CDC73: variants seen among roughly 807,000 people sequenced by gnomAD.
CDC73 encodes parafibromin.
A neutral mutation model predicts 83.7 loss-of-function variants in CDC73; 21 were observed. The observed-to-expected ratio is 0.25, with a 90% CI of 0.18 to 0.36. CDC73 has a LOEUF of 0.36. CDC73 is among the 10% of genes least tolerant of loss of function. The probability of loss-of-function intolerance (pLI) is 1.00; values close to 1 mark genes in which losing one functional copy is unlikely to be tolerated. For synonymous variants in CDC73, 224 were observed against 212.9 expected (o/e 1.05, Z -0.45); for missense variants, 342 against 653.3 (o/e 0.52, Z 5.19).
chr1:193,136,393 A>G (rs751731100), intron 5 of CDC73: 54 of 192,402 alleles, frequency 2.8e-4, no homozygotes, highest in Middle Eastern at 2.8e-3. Flanking sequence ...GGATATTCTG[A>G]GAAATGGATC....
At chr1:193,154,249 G>C (rs1676169416) in intron 10 of CDC73, among the ~76,000 whole-genome samples, 1 of 152,162 alleles carries the variant, frequency 6.6e-6, no homozygotes, top group South Asian at 2.1e-4. Context: ...TGTTATTTTT[G>C]TGATTGTTGT....
At chr1:193,123,067 T>C (rs546701138) in intron 1 of CDC73, among the ~76,000 whole-genome samples, 11 of 152,310 alleles carry the variant, frequency 7.2e-5, no homozygotes, top group Admixed American at 5.2e-4. Flanking sequence ...GAGACGGCTC[T>C]AACAGTCATT....
chr1:193,143,085 T>C (rs1675933794), intron 7 of CDC73, among the ~76,000 whole-genome samples: 2 of 152,212 alleles, frequency 1.3e-5, no homozygotes, highest in African/African-American at 2.4e-5. Flanking sequence ...ATTTTAGTCT[T>C]AAATTTACAT....
intron 15 of CDC73, 83 bp from the exon 16 acceptor site, chr1:193,249,647 G>T (rs1207498402): frequency 2.0e-6 from 2 of 1,020,054 alleles, no homozygotes; most frequent in Non-Finnish European, 1.5e-6. Flanking sequence ...TTATAATACG[G>T]CTTCAGTTGG....
chr1:193,227,762 T>C (rs1677589909), intron 13 of CDC73, among the ~76,000 whole-genome samples: 1 of 152,204 alleles, frequency 6.6e-6, no homozygotes, highest in South Asian at 2.1e-4. Context: ...ATTTTTACCT[T>C]TGGGATGCTA....
chr1:193,189,897 A>G (rs531011057), intron 10 of CDC73, among the ~76,000 whole-genome samples: 6 of 152,228 alleles, frequency 3.9e-5, no homozygotes, highest in Non-Finnish European at 7.3e-5. Flanking sequence ...ATGTATGTAC[A>G]TTCAACAATA....
Position 193,132,296 on chromosome 1 carries a change from C to T in CDC73, c.307+2053C>T, listed in dbSNP as rs536537712. Among the ~76,000 whole-genome samples, 22 of 152,226 alleles carry T rather than the reference C, an allele frequency of 1.4e-4. No individual in the cohort carries two copies. In the South Asian group the frequency reaches 3.5e-3, roughly 24 times the overall value. ...GTCCTCATTCAATAAGGACTTATTA[C>T]GTGCTTATTCTTAAAAGGCATTATG... On this transcript the variant is annotated intron_variant, in intron 3 of 16. Transcript: ENST00000367435.
At chr1:193,183,114 A>C (rs1186293796) in intron 10 of CDC73, among the ~76,000 whole-genome samples, 1 of 151,914 alleles carries the variant, frequency 6.6e-6, no homozygotes, top group African/African-American at 2.4e-5. Flanking sequence ...TCCTCATGTA[A>C]TTGAATAGTT....
chr1:193,166,705 G>A (rs1676440901), intron 10 of CDC73, among the ~76,000 whole-genome samples: 1 of 148,560 alleles, frequency 6.7e-6, no homozygotes, highest in South Asian at 2.1e-4. Flanking sequence ...GGAGTACAGT[G>A]GAGCTATCTT....
intron 10 of CDC73, among the ~76,000 whole-genome samples, chr1:193,162,749 T>A (rs1006552727): frequency 1.3e-5 from 2 of 152,130 alleles, no homozygotes; most frequent in Non-Finnish European, 2.9e-5. Flanking sequence ...ACATTATCAA[T>A]CCTGTAATCA....
intron 7 of CDC73, among the ~76,000 whole-genome samples, chr1:193,146,463 G>C (rs993166438): frequency 2.7e-5 from 4 of 150,354 alleles, no homozygotes; most frequent in Non-Finnish European, 4.5e-5. Context: ...GTCATTTCAT[G>C]GCAGAAGGCA....
intron 15 of CDC73, among the ~76,000 whole-genome samples, chr1:193,247,743 G>A (rs1211157456): frequency 2.0e-5 from 3 of 152,056 alleles, no homozygotes; most frequent in Admixed American, 6.6e-5. Flanking sequence ...GATCAAACCA[G>A]CCATAATATT....
chr1:193,169,975 T>A lies in CDC73; in HGVS notation c.972+17531T>A, dbSNP rs118044859. Among the ~76,000 whole-genome samples, 38 of 152,256 alleles carry A rather than the reference T, an allele frequency of 2.5e-4. 1 individual carries two copies. The East Asian group carries it at 5.0e-3, about 20-fold the overall frequency. ...CTCTCCACCCTCCGACAGGCCCCAGTATGTGTGATTCCCCTCTATGTATCT... is the reference window on the plus strand; with the variant it reads ...CTCTCCACCCTCCGACAGGCCCCAGAATGTGTGATTCCCCTCTATGTATCT... On this transcript the variant is annotated intron_variant, in intron 10 of 16. Transcript: ENST00000367435.
chr1:193,188,730 A>G (rs1460681365), intron 10 of CDC73, among the ~76,000 whole-genome samples: 1 of 152,048 alleles, frequency 6.6e-6, no homozygotes, highest in Non-Finnish European at 1.5e-5. Flanking sequence ...TTTGATTATT[A>G]AGAGAGTTAT....
intron 11 of CDC73, among the ~76,000 whole-genome samples, chr1:193,205,767 A>C (rs1186004232): frequency 6.6e-6 from 1 of 152,194 alleles, no homozygotes; most frequent in African/African-American, 2.4e-5. Context: ...GCTCTTGTCC[A>C]GAAACTAAGA....
At chr1:193,153,601 T>C (rs769257224) in intron 10 of CDC73, among the ~76,000 whole-genome samples, 4 of 152,184 alleles carry the variant, frequency 2.6e-5, no homozygotes, top group Non-Finnish European at 5.9e-5. Context: ...CAAAAGCAAA[T>C]AGCAAGTATA....
intron 7 of CDC73, among the ~76,000 whole-genome samples, chr1:193,146,265 C>T (rs554610663): frequency 6.6e-6 from 1 of 152,094 alleles, no homozygotes; most frequent in Admixed American, 6.5e-5. Flanking sequence ...ATAAGAAGAG[C>T]CCCAAAGGAA....
At chr1:193,145,201 G>C (rs928325236) in intron 7 of CDC73, among the ~76,000 whole-genome samples, 27 of 152,192 alleles carry the variant, frequency 1.8e-4, no homozygotes, top group African/African-American at 6.3e-4. Flanking sequence ...CAAGGAGACT[G>C]ATGGATTTTA....
intron 10 of CDC73, chr1:193,179,993 A>G: frequency 4.9e-6 from 1 of 202,042 alleles, no homozygotes. Context: ...ACATATGCAG[A>G]TACATTTTAT....
Sources: gnomAD v4.1 joint callset for allele counts (sites outside exome capture counted in the v4.1 genomes callset) on GRCh38, gnomAD v4.1.1 for gene constraint, MANE v1.5 for transcripts, NCBI Gene and HGNC (gene_info 2026-07-23, HGNC 2026-07-21) for gene names.